NRP1: variants seen among roughly 807,000 people sequenced by gnomAD.
The protein encoded by NRP1 is neuropilin 1.
Under a neutral mutation model 106.7 loss-of-function variants are expected in NRP1, and 35 were observed. That is an observed-to-expected ratio of 0.33 (90% confidence interval 0.25 to 0.43). The LOEUF is 0.43. NRP1 is among the 20% of genes least tolerant of loss of function. The probability of loss-of-function intolerance (pLI) is 1.00; values close to 1 mark genes in which losing one functional copy is unlikely to be tolerated. For missense variants in NRP1, 1,024 were observed against 1,170.4 expected (o/e 0.87, Z 1.83); for synonymous variants, 437 against 417.9 (o/e 1.05, Z -0.56).
intron 2 of NRP1, among the ~76,000 whole-genome samples, chr10:33,285,757 C>T (rs999966): frequency 0.12 from 18,419 of 152,054 alleles, 1,200 homozygotes; most frequent in East Asian, 0.14. Flanking sequence ...TGCTTGAACC[C>T]GGGAGGCTGA....
intron 5 of NRP1, among the ~76,000 whole-genome samples, chr10:33,254,591 G>A (rs1000283651): frequency 5.3e-5 from 8 of 151,920 alleles, no homozygotes; most frequent in Admixed American, 2.6e-4. Context: ...TTTTAATATC[G>A]AAGAGAATTG....
chr10:33,246,773 G>T (rs1841461876), intron 6 of NRP1, among the ~76,000 whole-genome samples: 1 of 152,000 alleles, frequency 6.6e-6, no homozygotes, highest in Non-Finnish European at 1.5e-5. Flanking sequence ...ATGTAATTTT[G>T]GCAATTTACT....
chr10:33,245,148 G>A (rs1461195313), intron 6 of NRP1, among the ~76,000 whole-genome samples: 1 of 152,198 alleles, frequency 6.6e-6, no homozygotes, highest in Non-Finnish European at 1.5e-5. Context: ...GTCAAGAAGT[G>A]ATAAAAGCCA....
intron 2 of NRP1, among the ~76,000 whole-genome samples, chr10:33,272,476 A>C (rs1053259280): frequency 6.6e-6 from 1 of 152,160 alleles, no homozygotes; most frequent in Admixed American, 6.5e-5. Context: ...ATGTTAAAAG[A>C]AGACAAAAGT....
chr10:33,208,428 T>A (rs1837996528), intron 9 of NRP1, among the ~76,000 whole-genome samples: 2 of 152,232 alleles, frequency 1.3e-5, no homozygotes, highest in African/African-American at 4.8e-5. Context: ...GGCCACCCAC[T>A]GCCAGTGCTG....
At chr10:33,260,928 G>A (rs890104772) in intron 4 of NRP1, among the ~76,000 whole-genome samples, 3 of 142,064 alleles carry the variant, frequency 2.1e-5, no homozygotes, top group Admixed American at 7.5e-5. Flanking sequence ...AATCTTGTTG[G>A]CAGAGGAACT....
Position 33,330,898 on chromosome 10 carries a change from G to A in NRP1, c.74-16C>T, listed in dbSNP as rs1338711758. On this transcript the variant is annotated splice_polypyrimidine_tract_variant and intron_variant, in intron 1 of 16. Transcript: ENST00000374867. ...CCACATTTATCTGCAATGAAAGTAA[G>A]ATTTTAGCAGATCTTTCCTGACAAC... is the stretch of plus-strand genomic sequence containing the variant. 6.3e-7 allele frequency: 1 copy of A among 1,584,384 alleles called. No homozygotes were observed. Among genetic ancestry groups the A allele is most frequent in the Admixed American group, 1.7e-5 (1 of 57,210 alleles).
chr10:33,322,096 C>G (rs1016017094), intron 2 of NRP1, among the ~76,000 whole-genome samples: 4 of 152,062 alleles, frequency 2.6e-5, no homozygotes, highest in African/African-American at 9.7e-5. Flanking sequence ...CACTTCCCTG[C>G]TATTTACCTG....
chr10:33,323,853 T>C (rs1437655125), intron 2 of NRP1, among the ~76,000 whole-genome samples: 1 of 152,214 alleles, frequency 6.6e-6, no homozygotes, highest in Non-Finnish European at 1.5e-5. Context: ...TCAGCAGGCA[T>C]GCAAGTATCA....
At chr10:33,225,165 T>C (rs1369691024) in intron 7 of NRP1, among the ~76,000 whole-genome samples, 1 of 152,172 alleles carries the variant, frequency 6.6e-6, no homozygotes, top group African/African-American at 2.4e-5. Flanking sequence ...TGTCTATCTG[T>C]AGCTGCTTCC....
At chr10:33,295,294 C>T (rs1588942455) in intron 2 of NRP1, among the ~76,000 whole-genome samples, 1 of 152,272 alleles carries the variant, frequency 6.6e-6, no homozygotes, top group South Asian at 2.1e-4. Context: ...GATCTGAACT[C>T]GAAAGACCCC....
intron 15 of NRP1, 148 bp downstream of exon 15, chr10:33,185,480 T>C (rs1835941581): frequency 3.3e-6 from 2 of 612,698 alleles, no homozygotes; most frequent in Non-Finnish European, 2.9e-6. Flanking sequence ...TTGTATGCCC[T>C]GTTGCACCAG....
intron 2 of NRP1, among the ~76,000 whole-genome samples, chr10:33,300,562 A>G (rs1845731229): frequency 6.6e-6 from 1 of 152,144 alleles, no homozygotes; most frequent in Non-Finnish European, 1.5e-5. Context: ...GGAAAGGAAA[A>G]TAAATCTTGG....
intron 3 of NRP1, 88 bp from the exon 4 acceptor site, chr10:33,263,961 T>G: frequency 1.2e-6 from 1 of 841,648 alleles, no homozygotes; most frequent in Non-Finnish European, 1.9e-6. Context: ...CAGAACATCT[T>G]TCTAATAAAA....
At chr10:33,254,590 C>A (rs904680887) in intron 5 of NRP1, among the ~76,000 whole-genome samples, 5 of 152,004 alleles carry the variant, frequency 3.3e-5, no homozygotes, top group Non-Finnish European at 7.4e-5. Flanking sequence ...CTTTTAATAT[C>A]GAAGAGAATT....
At chr10:33,312,552 A>G (rs1218746503) in intron 2 of NRP1, among the ~76,000 whole-genome samples, 1 of 152,252 alleles carries the variant, frequency 6.6e-6, no homozygotes. Context: ...TGGTATTTAC[A>G]GTGTGATTTG....
intron 2 of NRP1, among the ~76,000 whole-genome samples, chr10:33,318,097 A>G (rs898372680): frequency 6.6e-6 from 1 of 152,180 alleles, no homozygotes; most frequent in African/African-American, 2.4e-5. Context: ...CATCTACATT[A>G]GCTCATCAAC....
intron 2 of NRP1, among the ~76,000 whole-genome samples, chr10:33,301,802 T>C (rs1845821481): frequency 6.6e-6 from 1 of 152,222 alleles, no homozygotes; most frequent in African/African-American, 2.4e-5. Flanking sequence ...TTTTGAGCGA[T>C]TCGTTTTTTA....
chr10:33,308,734 C>T (rs1278829851), intron 2 of NRP1, among the ~76,000 whole-genome samples: 1 of 152,114 alleles, frequency 6.6e-6, no homozygotes, highest in Non-Finnish European at 1.5e-5. Flanking sequence ...AATGATCTGC[C>T]TGACTTGGCC....
Sources: gnomAD v4.1 joint callset for allele counts (sites outside exome capture counted in the v4.1 genomes callset) on GRCh38, gnomAD v4.1.1 for gene constraint, MANE v1.5 for transcripts, NCBI Gene and HGNC (gene_info 2026-07-23, HGNC 2026-07-21) for gene names.